The following MRTFB variants were observed in gnomAD, a reference collection of about 807,000 sequenced individuals.
MRTFB encodes the protein myocardin related transcription factor B.
In MRTFB, 29 loss-of-function variants were observed where a neutral mutation model predicts 104.2. That is an observed-to-expected ratio of 0.28 (90% CI 0.21 to 0.38). The LOEUF (loss-of-function observed/expected upper bound fraction) is 0.38. MRTFB is among the 10% of genes least tolerant of loss of function. The pLI is 1.00. For synonymous variants in MRTFB, 535 were observed against 519.5 expected (o/e 1.03, Z -0.41); for missense variants, 1,270 against 1,341.6 (o/e 0.95, Z 0.83).
At chr16:14,167,947 G>T (rs557660488) in intron 3 of MRTFB, among the ~76,000 whole-genome samples, 194 of 151,794 alleles carry the variant, frequency 1.3e-3, no homozygotes, top group Non-Finnish European at 2.3e-3. Context: ...TCAGCCTTCC[G>T]GAGTGCTGAG....
intron 9 of MRTFB, among the ~76,000 whole-genome samples, chr16:14,234,664 G>A (rs2042416608): frequency 1.3e-5 from 2 of 152,068 alleles, no homozygotes; most frequent in African/African-American, 2.4e-5. Flanking sequence ...AGGTGGTGGT[G>A]CATGCCTATA....
the MRTFB span, among the ~76,000 whole-genome samples, chr16:14,053,424 CA>C: frequency 5.1e-3 from 780 of 151,768 alleles, 9 homozygotes; most frequent in African/African-American, 0.018. Context: ...CTTGACTCTA[CA>C]AAAAAAATAT....
intron 1 of MRTFB, among the ~76,000 whole-genome samples, chr16:14,071,575 C>T (rs1171738980): frequency 6.6e-6 from 1 of 151,948 alleles, no homozygotes; most frequent in East Asian, 1.9e-4. Flanking sequence ...GCCGGTGCCT[C>T]CTTCAACCGG....
the MRTFB span, among the ~76,000 whole-genome samples, chr16:14,016,310 C>A: frequency 2.0e-5 from 3 of 151,416 alleles, no homozygotes; most frequent in Non-Finnish European, 4.4e-5. Flanking sequence ...AATAAGGCTC[C>A]TCCCAGTCAG....
intron 15 of MRTFB, among the ~76,000 whole-genome samples, chr16:14,256,423 C>G (rs2043496948): frequency 6.6e-6 from 1 of 152,196 alleles, no homozygotes; most frequent in Non-Finnish European, 1.5e-5. Context: ...TAGCGACTCA[C>G]TTCTAACAAA....
Position 14,251,974 on chromosome 16 carries a change from G to A in MRTFB, c.2516G>A (p.Arg839Lys). 1 of 1,614,170 alleles carries A rather than the reference G, an allele frequency of 6.2e-7. No homozygotes were observed. Among genetic ancestry groups the A allele is most frequent in the Non-Finnish European group, 8.5e-7 (1 of 1,180,024 alleles). ...GCCTCCAACAGTGTTCTTCAATCCAGAAATGCTCCGCTTCCATCCCTGCAA... is the reference window on the plus strand; with the variant it reads ...GCCTCCAACAGTGTTCTTCAATCCAAAAATGCTCCGCTTCCATCCCTGCAA... ...NKASNSVLQS[R>K]NAPLPSLQNG... Residue 839 changes from arginine (R) to lysine (K), a missense_variant, in exon 14 of 17, where the codon AGA becomes AAA. Arg to Lys is a conservative substitution (Grantham distance 26). This residue lies in a region of MRTFB where 1,144 missense variants were observed against 1,131.5 expected (regional missense o/e 1.01). Coordinates refer to ENST00000571589, the MANE Select transcript of MRTFB (RefSeq NM_001308142.2).
chr16:14,154,093 G>A (rs2038735236), intron 3 of MRTFB, among the ~76,000 whole-genome samples: 1 of 152,178 alleles, frequency 6.6e-6, no homozygotes, highest in African/African-American at 2.4e-5. Context: ...AACACTTTGG[G>A]AGGCCAAGGT....
At chr16:14,253,506 G>GT (rs1445293174) in intron 15 of MRTFB, among the ~76,000 whole-genome samples, 1 of 152,192 alleles carries the variant, frequency 6.6e-6, no homozygotes, top group East Asian at 1.9e-4. Flanking sequence ...CCTAAGGAAC[G>GT]TGGGGCCAAG....
the MRTFB span, among the ~76,000 whole-genome samples, chr16:14,062,530 TC>T: frequency 5.9e-5 from 9 of 152,104 alleles, no homozygotes; most frequent in Non-Finnish European, 1.3e-4. Flanking sequence ...TCCTGGGTTC[TC>T]CCTTACAGCA....
Position 14,218,804 on chromosome 16 carries a change from TC to T in MRTFB, c.515-15del. On this transcript the variant is annotated splice_polypyrimidine_tract_variant and intron_variant, in intron 7 of 16. Transcript: ENST00000571589. ...AAGCCAACATAAGTCAAGTCAAAAA[TC>T]ATTTCTTTCTTTAGGCGTTGGGAAG... 1 of 1,574,396 alleles carries T rather than the reference TC, an allele frequency of 6.4e-7. No individual in the cohort carries two copies. The highest frequency in any genetic ancestry group is 8.7e-7 in the Non-Finnish European group (1 of 1,154,130).
chr16:14,242,020 A>G (rs2042795664), intron 10 of MRTFB, among the ~76,000 whole-genome samples: 1 of 150,468 alleles, frequency 6.6e-6, no homozygotes, highest in Non-Finnish European at 1.5e-5. Flanking sequence ...AATGGTAATG[A>G]TGTCTCACAG....
At chr16:14,200,638 C>T (rs1005006799) in intron 3 of MRTFB, 6 of 1,573,814 alleles carry the variant, frequency 3.8e-6, no homozygotes, top group Non-Finnish European at 3.5e-6. Context: ...GGTGGAATCA[C>T]GTTGATGAAG....
chr16:14,227,296 CAAAAAG>C (rs1567190480), intron 8 of MRTFB, among the ~76,000 whole-genome samples: 3 of 151,354 alleles, frequency 2.0e-5, no homozygotes, highest in Non-Finnish European at 4.4e-5. Context: ...AAAAACAAAA[CAAAAAG>C]AAAGAAAGAA....
chr16:14,118,302 A>G (rs753769134), intron 2 of MRTFB, among the ~76,000 whole-genome samples: 1 of 151,566 alleles, frequency 6.6e-6, no homozygotes, highest in Non-Finnish European at 1.5e-5. Flanking sequence ...ACACCCAGCT[A>G]GTTTTTGTAT....
At chr16:14,259,668 C>T (rs1175248156) in intron 16 of MRTFB, among the ~76,000 whole-genome samples, 2 of 152,112 alleles carry the variant, frequency 1.3e-5, no homozygotes, top group Non-Finnish European at 2.9e-5. Context: ...GGAGCATCAC[C>T]AGAACCCAGG....
the MRTFB span, among the ~76,000 whole-genome samples, chr16:14,024,913 A>G: frequency 0.88 from 133,586 of 152,220 alleles, 59,105 homozygotes; most frequent in Non-Finnish European, 0.94. Flanking sequence ...AGTTATGTAA[A>G]TTTCCCCAAG....
At chr16:14,244,529 C>T (rs2042930594) in intron 10 of MRTFB, among the ~76,000 whole-genome samples, 1 of 152,204 alleles carries the variant, frequency 6.6e-6, no homozygotes, top group African/African-American at 2.4e-5. Flanking sequence ...ATTCACAGCT[C>T]TGCCAGCAGT....
intron 15 of MRTFB, among the ~76,000 whole-genome samples, chr16:14,257,848 A>G (rs2043569226): frequency 6.6e-6 from 1 of 152,196 alleles, no homozygotes; most frequent in Non-Finnish European, 1.5e-5. Flanking sequence ...TCAAAATGCA[A>G]TTCAGTGATA....
intron 2 of MRTFB, among the ~76,000 whole-genome samples, chr16:14,105,795 T>G (rs1400699060): frequency 6.6e-6 from 1 of 152,210 alleles, no homozygotes; most frequent in African/African-American, 2.4e-5. Flanking sequence ...ACTGTCATTA[T>G]TAAAGTTAAG....
Sources: allele counts gnomAD v4.1 joint callset (sites outside exome capture counted in the v4.1 genomes callset), GRCh38; gene constraint gnomAD v4.1.1; regional missense constraint gnomAD v4.1.1; transcripts MANE v1.5; gene names NCBI Gene and HGNC (gene_info 2026-07-23, HGNC 2026-07-21).